Variants in CEP112 observed in about 807,000 individuals in gnomAD.
CEP112 encodes the protein centrosomal protein 112.
Under a neutral mutation model 153.0 loss-of-function variants are expected in CEP112, and 127 were observed. That is an observed-to-expected ratio of 0.83 (90% CI 0.72 to 0.96). The LOEUF is 0.96. Ranked by LOEUF, CEP112 falls within the 40% of genes least tolerant of loss-of-function variation. CEP112 has a pLI of 0.00. For synonymous variants in CEP112, 358 were observed against 374.4 expected (o/e 0.96, Z 0.51); for missense variants, 1,089 against 1,101.2 (o/e 0.99, Z 0.16).
intron 24 of CEP112, among the ~76,000 whole-genome samples, chr17:65,663,640 G>A (rs927710920): frequency 5.3e-5 from 8 of 152,210 alleles, no homozygotes; most frequent in African/African-American, 1.9e-4. Flanking sequence ...CTAGACATCT[G>A]CATTTTATGC....
chr17:65,737,875 G>A (rs1407284054), intron 23 of CEP112, among the ~76,000 whole-genome samples: 1 of 152,198 alleles, frequency 6.6e-6, no homozygotes, highest in Non-Finnish European at 1.5e-5. Context: ...CTCAGAAAAT[G>A]CAAATCACTT....
At chr17:65,939,077 G>T (rs757644259) in intron 18 of CEP112, among the ~76,000 whole-genome samples, 1 of 152,128 alleles carries the variant, frequency 6.6e-6, no homozygotes, top group Non-Finnish European at 1.5e-5. Flanking sequence ...CTCCCAAAGT[G>T]TTGGGATTAT....
intron 25 of CEP112, 21 bp downstream of exon 25, chr17:65,640,943 T>C (rs778509938): frequency 1.9e-5 from 25 of 1,346,808 alleles, no homozygotes; most frequent in Non-Finnish European, 2.6e-5. Flanking sequence ...CCTTGGAAAA[T>C]GCCTTGATTC....
chr17:65,817,633 T>C (rs957494382), intron 21 of CEP112, among the ~76,000 whole-genome samples: 5 of 151,978 alleles, frequency 3.3e-5, no homozygotes, highest in Non-Finnish European at 7.4e-5. Flanking sequence ...GCTCTATTCA[T>C]TAGATCTCAC....
intron 6 of CEP112, among the ~76,000 whole-genome samples, chr17:66,101,120 T>C (rs982814966): frequency 2.0e-5 from 3 of 152,142 alleles, no homozygotes; most frequent in African/African-American, 7.2e-5. Context: ...ACTTTACGAA[T>C]ATTTTTTAAA....
intron 16 of CEP112, among the ~76,000 whole-genome samples, chr17:66,021,402 G>A (rs150232451): frequency 5.2e-4 from 79 of 152,282 alleles, no homozygotes; most frequent in Non-Finnish European, 8.5e-4. Flanking sequence ...TTCATAGACC[G>A]AAATAGGAGG....
At chr17:65,812,255 G>A (rs1385733836) in intron 21 of CEP112, among the ~76,000 whole-genome samples, 4 of 152,070 alleles carry the variant, frequency 2.6e-5, no homozygotes, top group East Asian at 1.9e-4. Context: ...CACCCGCCTC[G>A]GCCTCCCAAA....
At chr17:65,748,903 G>A (rs1033305981) in intron 22 of CEP112, among the ~76,000 whole-genome samples, 2 of 152,064 alleles carry the variant, frequency 1.3e-5, no homozygotes, top group African/African-American at 4.8e-5. Context: ...ATTTTTATTA[G>A]CTATCTTATA....
chr17:65,826,361 G>A (rs1366176386), intron 21 of CEP112: 2 of 1,595,970 alleles, frequency 1.3e-6, no homozygotes, highest in African/African-American at 1.4e-5. Context: ...CAGGCTGTAG[G>A]GCAGGCAGAA....
intron 16 of CEP112, among the ~76,000 whole-genome samples, chr17:66,006,437 C>T (rs1598085432): frequency 6.6e-6 from 1 of 152,188 alleles, no homozygotes; most frequent in South Asian, 2.1e-4. Context: ...GAAACCCTGT[C>T]TGTACTAAAA....
At chr17:65,741,813 A>G (rs2051154362) in intron 23 of CEP112, among the ~76,000 whole-genome samples, 1 of 152,068 alleles carries the variant, frequency 6.6e-6, no homozygotes, top group Admixed American at 6.6e-5. Flanking sequence ...TATGCAATGC[A>G]GTTTATGTGA....
At chr17:65,667,145 C>T (rs1327375373) in intron 24 of CEP112, among the ~76,000 whole-genome samples, 1 of 152,150 alleles carries the variant, frequency 6.6e-6, no homozygotes, top group Non-Finnish European at 1.5e-5. Flanking sequence ...ATGCATACCA[C>T]AGCATTCCCT....
At chr17:66,109,213 G>C (rs958846864) in intron 6 of CEP112, among the ~76,000 whole-genome samples, 2 of 152,136 alleles carry the variant, frequency 1.3e-5, no homozygotes, top group African/African-American at 4.8e-5. Flanking sequence ...TAGCACAATA[G>C]GGTGATACAG....
intron 24 of CEP112, among the ~76,000 whole-genome samples, chr17:65,669,881 C>T (rs910145595): frequency 2.8e-5 from 4 of 141,678 alleles, no homozygotes; most frequent in Non-Finnish European, 4.5e-5. Flanking sequence ...CCAGCCTGGG[C>T]GACAGAGCGA....
intron 4 of CEP112, among the ~76,000 whole-genome samples, chr17:66,158,738 A>G (rs1193811091): frequency 6.6e-6 from 1 of 152,238 alleles, no homozygotes; most frequent in African/African-American, 2.4e-5. Flanking sequence ...AAATGCCCAC[A>G]GGAAAAAGCA....
chr17:65,881,440 T>G (rs1288120732), intron 20 of CEP112, among the ~76,000 whole-genome samples: 1 of 151,886 alleles, frequency 6.6e-6, no homozygotes, highest in Admixed American at 6.6e-5. Context: ...ACACATACAT[T>G]CATGTTGCAT....
intron 18 of CEP112, among the ~76,000 whole-genome samples, chr17:65,934,238 G>A (rs1414885518): frequency 6.6e-6 from 1 of 152,054 alleles, no homozygotes; most frequent in Non-Finnish European, 1.5e-5. Context: ...TGTAAATTGT[G>A]AAATCAAAAA....
chr17:65,999,425 T>G (rs1165909782), intron 17 of CEP112, among the ~76,000 whole-genome samples: 1 of 152,066 alleles, frequency 6.6e-6, no homozygotes, highest in Non-Finnish European at 1.5e-5. Context: ...ATGGTCTCGA[T>G]CTCCTGACCT....
At chr17:66,083,192 T>G (rs912391693) in intron 8 of CEP112, among the ~76,000 whole-genome samples, 3 of 152,124 alleles carry the variant, frequency 2.0e-5, no homozygotes, top group Non-Finnish European at 2.9e-5. Flanking sequence ...ATTTTCCTCG[T>G]GCTGTTCTCA....
Sources: allele counts gnomAD v4.1 joint callset (sites outside exome capture counted in the v4.1 genomes callset), GRCh38; gene constraint gnomAD v4.1.1; transcripts MANE v1.5; gene names NCBI Gene and HGNC (gene_info 2026-07-23, HGNC 2026-07-21).